Variants in PARD3B observed in about 807,000 individuals in gnomAD.
PARD3B encodes the protein partitioning defective 3 homolog B.
In PARD3B, 103 loss-of-function variants were observed where a neutral mutation model predicts 130.2. The observed-to-expected ratio is 0.79, with a 90% CI of 0.67 to 0.93. The LOEUF (loss-of-function observed/expected upper bound fraction) is 0.93, where lower values mean the gene tolerates loss of function less well. Ranked by LOEUF, PARD3B falls within the 40% of genes least tolerant of loss-of-function variation. PARD3B has a pLI of 0.00. For synonymous variants in PARD3B, 583 were observed against 553.2 expected, an observed-to-expected ratio of 1.05 and a Z score of -0.76; for missense variants, 1,609 against 1,499.2, an observed-to-expected ratio of 1.07 and a Z score of -1.21.
chr2:204,579,865 C>T (rs2032460885), intron 1 of PARD3B, among the ~76,000 whole-genome samples: 1 of 152,230 alleles, frequency 6.6e-6, no homozygotes, highest in Non-Finnish European at 1.5e-5. Flanking sequence ...TCTTTTCCCC[C>T]ATCCTACCCT....
chr2:204,653,660 G>A (rs1187287275), intron 1 of PARD3B, among the ~76,000 whole-genome samples: 2 of 150,330 alleles, frequency 1.3e-5, no homozygotes, highest in African/African-American at 5.0e-5. Context: ...GCATGGTAGC[G>A]GGCGCCTGTA....
chr2:205,336,091 C>T (rs999764651), intron 18 of PARD3B, among the ~76,000 whole-genome samples: 41 of 152,214 alleles, frequency 2.7e-4, no homozygotes, highest in African/African-American at 7.9e-4. Flanking sequence ...TGTCCTCAAG[C>T]GATCTACGCA....
At chr2:205,402,542 TTAG>T (rs1348637375) in intron 19 of PARD3B, among the ~76,000 whole-genome samples, 1 of 152,172 alleles carries the variant, frequency 6.6e-6, no homozygotes, top group Non-Finnish European at 1.5e-5. Context: ...AAAAAAACTC[TTAG>T]TAGCTGGGGA....
intron 1 of PARD3B, among the ~76,000 whole-genome samples, chr2:204,625,517 T>C (rs1368052975): frequency 1.3e-5 from 2 of 152,204 alleles, no homozygotes; most frequent in South Asian, 2.1e-4. Flanking sequence ...TCTTGAAGCA[T>C]TGACAATGAA....
At chr2:205,055,135 A>AT (rs1221827425) in intron 4 of PARD3B, among the ~76,000 whole-genome samples, 1 of 152,218 alleles carries the variant, frequency 6.6e-6, no homozygotes, top group Non-Finnish European at 1.5e-5. Context: ...TGACTAGATG[A>AT]TAAAAATCAT....
At chr2:205,036,595 A>G (rs1350881601) in intron 3 of PARD3B, among the ~76,000 whole-genome samples, 1 of 149,528 alleles carries the variant, frequency 6.7e-6, no homozygotes, top group African/African-American at 2.4e-5. Flanking sequence ...TACACAGCGG[A>G]CTGTATGTAC....
chr2:204,603,214 T>C (rs1428070058), intron 1 of PARD3B, among the ~76,000 whole-genome samples: 1 of 152,132 alleles, frequency 6.6e-6, no homozygotes, highest in African/African-American at 2.4e-5. Context: ...CTTTTATGCC[T>C]TTTTTACTCC....
At chr2:205,390,162 C>CA (rs1048157935) in intron 18 of PARD3B, among the ~76,000 whole-genome samples, 2,535 of 110,720 alleles carry the variant, frequency 0.023, 243 homozygotes, top group Admixed American at 0.18. Context: ...AAATGCTTGA[C>CA]AAAAAAAAAA....
intron 19 of PARD3B, among the ~76,000 whole-genome samples, chr2:205,424,701 G>A (rs571600046): frequency 2.3e-4 from 35 of 152,240 alleles, no homozygotes; most frequent in South Asian, 1.9e-3. Flanking sequence ...TCCTCTTCAG[G>A]AAGTTTATGT....
At chr2:204,987,158 TG>T (rs1680668063) in intron 3 of PARD3B, among the ~76,000 whole-genome samples, 1 of 151,936 alleles carries the variant, frequency 6.6e-6, no homozygotes, top group Admixed American at 6.6e-5. Context: ...GGAAAAAAAA[TG>T]TGACTATGAA....
intron 4 of PARD3B, among the ~76,000 whole-genome samples, chr2:205,096,679 A>C (rs534997585): frequency 1.3e-5 from 2 of 152,206 alleles, no homozygotes; most frequent in African/African-American, 2.4e-5. Context: ...GTGAATGTGC[A>C]TGAGCACCCT....
intron 18 of PARD3B, among the ~76,000 whole-genome samples, chr2:205,306,146 A>T (rs2042175429): frequency 2.0e-5 from 3 of 152,154 alleles, no homozygotes; most frequent in Admixed American, 2.0e-4. Flanking sequence ...TGAGCCAAGG[A>T]ATGTAGGCAG....
intron 2 of PARD3B, among the ~76,000 whole-genome samples, chr2:204,695,721 A>T (rs1488825082): frequency 2.0e-5 from 3 of 152,020 alleles, no homozygotes; most frequent in Non-Finnish European, 4.4e-5. Context: ...ACATTTCTGC[A>T]TAGCCCAGAA....
Position 204,623,281 on chromosome 2 carries a change from C to A in PARD3B, c.121-62900C>A, listed in dbSNP as rs1333319800. Among the ~76,000 whole-genome samples the A allele has an allele frequency of 2.0e-5, 3 of 152,076 alleles. No homozygotes were observed. Among genetic ancestry groups the A allele is most frequent in the Non-Finnish European group, 4.4e-5 (3 of 68,000 alleles). ...ACAATATCAAAACCAGCATAAAAAT[C>A]AGAATATTGGCATCTGTATAAAATG... On this transcript the variant is annotated intron_variant, in intron 1 of 22. Transcript: ENST00000406610. This position sits in a 1 kb window ranked among gnomAD's most constrained non-coding sequence, Gnocchi z 4.5.
Position 204,678,998 on chromosome 2 carries a change from T to C in PARD3B, c.121-7183T>C, listed in dbSNP as rs373758867. Among the ~76,000 whole-genome samples the C allele has an allele frequency of 6.6e-6, 1 of 152,332 alleles. No individual in the cohort carries two copies. Among genetic ancestry groups the C allele is most frequent in the Non-Finnish European group, 1.5e-5 (1 of 68,028 alleles). ...AGTAACCAGTCTCGTGACTTCTACA[T>C]TGTGAATTAATTATGCCTCTTTTTG... On this transcript the variant is annotated intron_variant, in intron 1 of 22. Transcript: ENST00000406610. The surrounding 1 kb of genome is among the most constrained non-coding windows in gnomAD (Gnocchi z 4.2).
chr2:204,956,770 T>C (rs1448912316), intron 2 of PARD3B, among the ~76,000 whole-genome samples: 1 of 152,220 alleles, frequency 6.6e-6, no homozygotes, highest in Non-Finnish European at 1.5e-5. Context: ...GTTTTTTAAA[T>C]TATGCGCAAT....
intron 16 of PARD3B, among the ~76,000 whole-genome samples, chr2:205,282,292 G>C (rs1370911303): frequency 6.6e-6 from 1 of 151,666 alleles, no homozygotes; most frequent in African/African-American, 2.4e-5. Flanking sequence ...TCATCTTCCT[G>C]GTCTCTTTCT....
intron 4 of PARD3B, 112 bp from the exon 5 acceptor site, chr2:205,104,314 T>C: frequency 4.3e-6 from 3 of 697,040 alleles, no homozygotes; most frequent in East Asian, 2.5e-5. Context: ...AATTAGAGCA[T>C]ACTGTATATA....
chr2:205,428,585 A>AT (rs2047223838), intron 19 of PARD3B, among the ~76,000 whole-genome samples: 1 of 152,140 alleles, frequency 6.6e-6, no homozygotes, highest in Non-Finnish European at 1.5e-5. Flanking sequence ...CTTCCAGTCT[A>AT]TTTTATTATA....
Sources: allele counts gnomAD v4.1 joint callset (sites outside exome capture counted in the v4.1 genomes callset), GRCh38; gene constraint gnomAD v4.1.1; non-coding constraint Gnocchi (gnomAD v3.1); transcripts MANE v1.5; gene names NCBI Gene and HGNC (gene_info 2026-07-23, HGNC 2026-07-21).